Variants in EPN2 observed in about 807,000 individuals in gnomAD.
EPN2 encodes epsin 2.
EPN2 carries 34 observed loss-of-function variants against 61.7 expected under a neutral mutation model. The ratio of observed to expected loss-of-function variants is 0.55; its 90% CI spans 0.42 to 0.73. The LOEUF (loss-of-function observed/expected upper bound fraction) is 0.73, where lower values mean the gene tolerates loss of function less well. Ranked by LOEUF, EPN2 falls within the 30% of genes least tolerant of loss-of-function variation. The probability of loss-of-function intolerance (pLI) is 0.00; values close to 1 mark genes in which losing one functional copy is unlikely to be tolerated. For missense variants in EPN2, 714 were observed against 839.2 expected, an observed-to-expected ratio of 0.85 and a Z score of 1.84; for synonymous variants, 349 against 353.6, an observed-to-expected ratio of 0.99 and a Z score of 0.15.
intron 1 of EPN2, among the ~76,000 whole-genome samples, chr17:19,242,034 T>C (rs1051498726): frequency 1.9e-4 from 29 of 152,130 alleles, no homozygotes; most frequent in Admixed American, 1.3e-4. Context: ...GATTTCTGGC[T>C]CTTTCCTAAC....
intron 9 of EPN2, 73 bp downstream of exon 9, chr17:19,329,720 T>C (rs2296980): frequency 0.057 from 53,811 of 936,164 alleles, 1,914 homozygotes; most frequent in East Asian, 0.12. Context: ...GAAATAATAA[T>C]CAGCTTTCAA....
chr17:19,295,356 A>ACGCGCG (rs1355330075), intron 4 of EPN2, among the ~76,000 whole-genome samples: 15 of 66,470 alleles, frequency 2.3e-4, no homozygotes, highest in East Asian at 1.5e-3. Flanking sequence ...ACACACACAC[A>ACGCGCG]CACACACACA....
At chr17:19,289,873 T>C (rs980934252) in intron 4 of EPN2, among the ~76,000 whole-genome samples, 7 of 151,682 alleles carry the variant, frequency 4.6e-5, no homozygotes, top group South Asian at 4.2e-4. Flanking sequence ...TACAGGCACA[T>C]GTCACCATGC....
intron 1 of EPN2, among the ~76,000 whole-genome samples, chr17:19,237,964 G>A (rs28706427): frequency 0.072 from 10,983 of 152,272 alleles, 1,365 homozygotes; most frequent in African/African-American, 0.25. Flanking sequence ...AGCCCAGCCT[G>A]GTCTCCCGCC....
chr17:19,309,393 T>C (rs1906009523), intron 4 of EPN2, among the ~76,000 whole-genome samples: 1 of 152,104 alleles, frequency 6.6e-6, no homozygotes, highest in Non-Finnish European at 1.5e-5. Context: ...CCTCCCAAAG[T>C]GTGAGGATTA....
At chr17:19,257,307 A>G (rs956451420) in intron 1 of EPN2, among the ~76,000 whole-genome samples, 9 of 152,076 alleles carry the variant, frequency 5.9e-5, no homozygotes, top group Non-Finnish European at 7.4e-5. Flanking sequence ...TATATGCCAC[A>G]TGGTGTTTGC....
intron 1 of EPN2, among the ~76,000 whole-genome samples, chr17:19,259,674 T>G (rs1315144750): frequency 6.6e-6 from 1 of 152,160 alleles, no homozygotes; most frequent in African/African-American, 2.4e-5. Flanking sequence ...TTTTTTTCTC[T>G]TTTACACTCT....
intron 4 of EPN2, among the ~76,000 whole-genome samples, chr17:19,295,345 C>CAG (rs2045504976): frequency 3.4e-5 from 2 of 58,646 alleles, no homozygotes; most frequent in Non-Finnish European, 8.8e-5. Flanking sequence ...TAAAAATACA[C>CAG]ACACACACAC....
chr17:19,307,454 G>T (rs1024854022), intron 4 of EPN2, among the ~76,000 whole-genome samples: 3 of 152,076 alleles, frequency 2.0e-5, no homozygotes, highest in Non-Finnish European at 4.4e-5. Flanking sequence ...GGGATTATGG[G>T]TGCCCACCAC....
intron 7 of EPN2, among the ~76,000 whole-genome samples, chr17:19,322,584 TAAAA>T (rs371471750): frequency 3.1e-5 from 1 of 32,170 alleles, no homozygotes; most frequent in African/African-American, 1.8e-4. Flanking sequence ...TTACAAAAAA[TAAAA>T]AAATCAGCCA....
chr17:19,238,686 C>T (rs1024268923), intron 1 of EPN2, among the ~76,000 whole-genome samples: 3 of 152,160 alleles, frequency 2.0e-5, no homozygotes, highest in Admixed American at 6.5e-5. Context: ...CTCTGTTTAC[C>T]ACATTTAATA....
chr17:19,253,601 G>A (rs2152203881), intron 1 of EPN2, among the ~76,000 whole-genome samples: 1 of 151,992 alleles, frequency 6.6e-6, no homozygotes, highest in African/African-American at 2.4e-5. Flanking sequence ...ATGTTTCAGT[G>A]TTGCCCAGGC....
chr17:19,325,903 A>C (rs1906845219), intron 7 of EPN2, among the ~76,000 whole-genome samples: 2 of 152,220 alleles, frequency 1.3e-5, no homozygotes, highest in Admixed American at 1.3e-4. Flanking sequence ...AATGACTTCT[A>C]ATTAACAGTT....
At chr17:19,319,539 G>A (rs1190669733) in intron 7 of EPN2, among the ~76,000 whole-genome samples, 1 of 151,858 alleles carries the variant, frequency 6.6e-6, no homozygotes, top group Non-Finnish European at 1.5e-5. Context: ...CACCATATTG[G>A]CCAGGCTGTT....
chr17:19,254,839 C>T lies in EPN2; in HGVS notation c.-294+17308C>T, dbSNP rs143679587. The stretch of plus-strand genomic sequence containing the variant: ...GTCATTGACAAAGGAGCTTGTTTTC[C>T]TGGATACCAAGTCTGTGTCTTTGTT... On this transcript the variant is annotated intron_variant, in intron 1 of 10. Transcript: ENST00000314728. Among the ~76,000 whole-genome samples, 12 of 152,286 alleles carry T rather than the reference C, an allele frequency of 7.9e-5. No homozygotes were observed. The East Asian group carries it at 2.3e-3, about 29-fold the overall frequency.
At chr17:19,324,625 G>A (rs899775481) in intron 7 of EPN2, among the ~76,000 whole-genome samples, 13 of 152,284 alleles carry the variant, frequency 8.5e-5, no homozygotes, top group South Asian at 2.1e-4. Flanking sequence ...GAGCCACTGC[G>A]CCTGGCCAAT....
At chr17:19,250,066 A>G (rs2044997244) in intron 1 of EPN2, among the ~76,000 whole-genome samples, 1 of 151,100 alleles carries the variant, frequency 6.6e-6, no homozygotes, top group Non-Finnish European at 1.5e-5. Context: ...CCAGGATACT[A>G]TGTTTTAAAG....
chr17:19,293,674 T>C (rs9325966), intron 4 of EPN2, among the ~76,000 whole-genome samples: 145,841 of 151,884 alleles, frequency 0.96, 70,419 homozygotes, highest in African/African-American at 0.99. Flanking sequence ...ATTACAGGCA[T>C]GCAGGCACAA....
chr17:19,312,959 G>A, intron 6 of EPN2, 146 bp from the exon 7 acceptor site: 2 of 759,432 alleles, frequency 2.6e-6, no homozygotes, highest in Non-Finnish European at 4.3e-6. Context: ...GAGATGGGAC[G>A]GCTCAGTTTC....
Sources: allele counts gnomAD v4.1 joint callset (sites outside exome capture counted in the v4.1 genomes callset), GRCh38; gene constraint gnomAD v4.1.1; transcripts MANE v1.5; gene names NCBI Gene and HGNC (gene_info 2026-07-23, HGNC 2026-07-21).